The following N4BP2L2 variants were observed in gnomAD, a reference collection of about 807,000 sequenced individuals.
N4BP2L2 encodes the protein NEDD4 binding protein 2 like 2.
In N4BP2L2, 50 loss-of-function variants were observed where a neutral mutation model predicts 56.2. The observed-to-expected ratio is 0.89, with a 90% CI of 0.71 to 1.13. The LOEUF is 1.13. N4BP2L2 is among the 50% of genes most tolerant of loss of function. The probability of loss-of-function intolerance (pLI) is 0.00; values close to 1 mark genes in which losing one functional copy is unlikely to be tolerated. For synonymous variants in N4BP2L2, 203 were observed against 223.6 expected (o/e 0.91, Z 0.82); for missense variants, 689 against 693.8 (o/e 0.99, Z 0.08).
intron 6 of N4BP2L2, among the ~76,000 whole-genome samples, chr13:32,494,866 T>C (rs1243235893): frequency 6.6e-6 from 1 of 152,160 alleles, no homozygotes; most frequent in Admixed American, 6.5e-5. Flanking sequence ...GTTCTATCAA[T>C]AATCTGGCTG....
chr13:32,496,951 T>C (rs538589960), intron 6 of N4BP2L2, among the ~76,000 whole-genome samples: 12 of 152,338 alleles, frequency 7.9e-5, no homozygotes, highest in African/African-American at 2.9e-4. Context: ...TTATCACTAT[T>C]CTTGCCCAAG....
intron 9 of N4BP2L2, among the ~76,000 whole-genome samples, chr13:32,435,955 C>T (rs962616161): frequency 6.6e-6 from 1 of 152,082 alleles, no homozygotes; most frequent in Non-Finnish European, 1.5e-5. Flanking sequence ...TAAAATATAA[C>T]ATGAGTTTGT....
At chr13:32,494,627 A>C (rs537738028) in intron 6 of N4BP2L2, among the ~76,000 whole-genome samples, 91 of 150,024 alleles carry the variant, frequency 6.1e-4, no homozygotes, top group African/African-American at 2.0e-3. Flanking sequence ...TTAGCCGGGC[A>C]TGGTGGTGGG....
chr13:32,506,731 C>T (rs1044369328), downstream of N4BP2L2: 2 of 152,058 alleles, frequency 1.3e-5, no homozygotes, highest in Admixed American at 6.5e-5. Context: ...CAGCATACCA[C>T]ATTCAAGGAA....
At chr13:32,507,206 T>C (rs1347068332), downstream of N4BP2L2, 2 of 152,188 alleles carry the variant, frequency 1.3e-5, no homozygotes, top group Non-Finnish European at 2.9e-5. Context: ...CCATTCACTG[T>C]GGCAGGAAAT....
At chr13:32,537,091 T>G (rs2056737220) in intron 1 of N4BP2L2, 64 bp from the exon 2 acceptor site, 2 of 1,148,272 alleles carry the variant, frequency 1.7e-6, no homozygotes, top group Admixed American at 6.6e-5. Context: ...AAAATTTTCT[T>G]CAAAAACAAG....
intron 6 of N4BP2L2, among the ~76,000 whole-genome samples, chr13:32,460,692 CA>C (rs2079876734): frequency 6.6e-6 from 1 of 151,970 alleles, no homozygotes; most frequent in African/African-American, 2.4e-5. Context: ...TAATCCCTAT[CA>C]AAATACCAAT....
chr13:32,522,046 C>T, intron 4 of N4BP2L2, 136 bp downstream of exon 4: 1 of 620,126 alleles, frequency 1.6e-6, no homozygotes, highest in East Asian at 3.1e-5. Context: ...TTTTTAAAAA[C>T]TAAGCAAACC....
In N4BP2L2 at chr13:32,494,240, G is replaced by A. The variant is rs1035759696; in HGVS notation, c.365+23617C>T. 4.6e-5 allele frequency among the ~76,000 whole-genome samples: 7 copies of A among 151,884 alleles called. No individual in the cohort carries two copies. In the South Asian group the frequency reaches 6.3e-4, roughly 14 times the overall value. ...GGAGGTTGCAGTGAGCCAAGATTGC[G>A]TCACTCCACTCTAACCTGGGCAACA... On this transcript the variant is annotated intron_variant, in intron 6 of 9. Coordinates refer to the N4BP2L2 transcript ENST00000357505.
intron 6 of N4BP2L2, among the ~76,000 whole-genome samples, chr13:32,492,474 T>A (rs74559867): frequency 0.057 from 8,706 of 151,976 alleles, 844 homozygotes; most frequent in African/African-American, 0.2. Context: ...GTAGCAAATA[T>A]CTTTAGGCCT....
chr13:32,465,407 A>G (rs1293504509), intron 6 of N4BP2L2, among the ~76,000 whole-genome samples: 2 of 152,200 alleles, frequency 1.3e-5, no homozygotes, highest in Non-Finnish European at 2.9e-5. Flanking sequence ...GGTAACCCCA[A>G]TATGATTTAT....
chr13:32,463,918 CAAA>C (rs58685358), intron 6 of N4BP2L2, among the ~76,000 whole-genome samples: 7 of 64,172 alleles, frequency 1.1e-4, no homozygotes, highest in African/African-American at 4.3e-4. Context: ...TGCCCATGAC[CAAA>C]AAAAAAAAAA....
downstream of N4BP2L2, chr13:32,507,955 A>G (rs2091215753): frequency 6.6e-6 from 1 of 152,196 alleles, no homozygotes; most frequent in African/African-American, 2.4e-5. Flanking sequence ...TCTAGAACTG[A>G]AATTTGAAGA....
rs768988029 is a variant in N4BP2L2, at chr13:32,536,937, C to T, written c.91G>A (p.Glu31Lys). The change falls in exon 2 of 6, where the codon GAG (glutamate) becomes AAG (lysine). Residue 31 changes from glutamate to lysine, a missense_variant. Coordinates refer to ENST00000267068, the Ensembl canonical transcript of N4BP2L2. ...CTATGATTGTGAAAAACATACGACT[C>T]TGTGGTTGACTTCAATTTTTTACAG... The T allele has an allele frequency of 1.8e-5, 29 of 1,613,628 alleles. No homozygotes were observed. In the South Asian group the frequency reaches 2.9e-4, roughly 16 times the overall value.
exon 7 of N4BP2L2, chr13:32,442,510 T>C: frequency 6.2e-7 from 1 of 1,613,860 alleles, no homozygotes; most frequent in Non-Finnish European, 8.5e-7. Context: ...AGCTGGTAAT[T>C]CCTTAGGTTC....
At chr13:32,482,703 A>G (rs980953273) in intron 6 of N4BP2L2, among the ~76,000 whole-genome samples, 8 of 152,068 alleles carry the variant, frequency 5.3e-5, no homozygotes, top group Non-Finnish European at 1.0e-4. Flanking sequence ...TAGTTTTCCT[A>G]TCAGTAGGTG....
At chr13:32,536,255 T>C in exon 2 of N4BP2L2, 1 of 1,613,700 alleles carries the variant, frequency 6.2e-7, no homozygotes, top group East Asian at 2.2e-5. Context: ...AAATGAAGTG[T>C]CACAAAATGT....
At chr13:32,476,909 G>C (rs1037055525) in intron 6 of N4BP2L2, among the ~76,000 whole-genome samples, 3 of 152,054 alleles carry the variant, frequency 2.0e-5, no homozygotes, top group Admixed American at 1.3e-4. Flanking sequence ...GTGCAGCCCC[G>C]GCGGGAACAC....
At chr13:32,513,263 T>C (rs1240261770) in exon 6 of N4BP2L2, 1 of 152,224 alleles carries the variant, frequency 6.6e-6, no homozygotes, top group Non-Finnish European at 1.5e-5. Context: ...AGGCTTAACA[T>C]ATTTGGCAAT....
Sources: allele counts gnomAD v4.1 joint callset (sites outside exome capture counted in the v4.1 genomes callset), GRCh38; gene constraint gnomAD v4.1.1; transcripts MANE v1.5; gene names NCBI Gene and HGNC (gene_info 2026-07-23, HGNC 2026-07-21).